The following MYT1L variants were observed in gnomAD, a reference collection of about 807,000 sequenced individuals.
The protein encoded by MYT1L is myelin transcription factor 1 like, also known as myelin transcription factor 1-like protein.
MYT1L carries 12 observed loss-of-function variants against 126.7 expected under a neutral mutation model. The ratio of observed to expected loss-of-function variants is 0.09; its 90% CI spans 0.06 to 0.15. MYT1L has a LOEUF of 0.15. Ranked by LOEUF, MYT1L falls within the 10% of genes least tolerant of loss-of-function variation. MYT1L has a pLI of 1.00. For missense variants in MYT1L, 979 were observed against 1,585.2 expected (o/e 0.62, Z 6.49); for synonymous variants, 541 against 604.2 (o/e 0.90, Z 1.53).
intron 4 of MYT1L, among the ~76,000 whole-genome samples, chr2:2,036,363 A>G (rs1574711139): frequency 2.4e-5 from 1 of 41,166 alleles, no homozygotes; most frequent in African/African-American, 1.1e-4. Flanking sequence ...CCACCCTCCA[A>G]TGCGGGTGCA....
chr2:2,190,092 G>C (rs893421225), intron 2 of MYT1L, among the ~76,000 whole-genome samples: 1 of 152,042 alleles, frequency 6.6e-6, no homozygotes, highest in Non-Finnish European at 1.5e-5. Flanking sequence ...TTTCTGTATT[G>C]GCCCTGCTGT....
rs191719758 is a variant in MYT1L, at chr2:2,224,489, C to T, written c.-420-51501G>A. 2.0e-5 allele frequency among the ~76,000 whole-genome samples: 3 copies of T among 152,240 alleles called. No individual in the cohort carries two copies. The highest frequency in any genetic ancestry group is 4.4e-5 in the Non-Finnish European group (3 of 68,022). ...GGAATTAGATTAGGTTCAGCCTCAT[C>T]GCACCCCATGCCATAACTATTTTTC... On this transcript the variant is annotated intron_variant, in intron 2 of 24. Coordinates refer to ENST00000647738, the MANE Select transcript of MYT1L (RefSeq NM_001303052.2). This position sits in a 1 kb window ranked among gnomAD's most constrained non-coding sequence, Gnocchi z 4.0.
chr2:2,177,617 TACA>T (rs2090958004), intron 2 of MYT1L, among the ~76,000 whole-genome samples: 1 of 152,166 alleles, frequency 6.6e-6, no homozygotes, highest in African/African-American at 2.4e-5. Flanking sequence ...TCAGGAAACT[TACA>T]ATCATGGCAG....
rs189654815 is a variant in MYT1L, at chr2:1,856,395, C to A, written c.2712-4692G>T. 2.0e-5 allele frequency among the ~76,000 whole-genome samples: 3 copies of A among 152,138 alleles called. No homozygotes were observed. In the South Asian group the frequency reaches 6.2e-4, roughly 32 times the overall value. On this transcript the variant is annotated intron_variant, in intron 18 of 24. Transcript: ENST00000647738. ...TGTCGGCTAACATAAAAGAAGAGCT[C>A]GAAATCTAGGCATTAGAATACATCA...
At chr2:2,099,269 G>A (rs549816042) in intron 3 of MYT1L, among the ~76,000 whole-genome samples, 2 of 152,024 alleles carry the variant, frequency 1.3e-5, no homozygotes, top group Non-Finnish European at 2.9e-5. Context: ...CTGTGTGTGT[G>A]CAACAAAATA....
In MYT1L at chr2:2,313,764, A is replaced by C. The variant is rs549088944; in HGVS notation, c.-521+17203T>G. On this transcript the variant is annotated intron_variant, in intron 1 of 24. Transcript: ENST00000647738. ...AGAGACACTATACATTCTGCAAGTC[A>C]TGTTTAAATTTGATCTTAGTCTAGA... is the stretch of plus-strand genomic sequence containing the variant. Among the ~76,000 whole-genome samples the C allele has an allele frequency of 1.9e-3, 295 of 152,308 alleles. 1 individual carries two copies. Among genetic ancestry groups the C allele is most frequent in the African/African-American group, 7.0e-3 (291 of 41,572 alleles).
At chr2:1,815,092 A>G (rs2037407946) in intron 21 of MYT1L, among the ~76,000 whole-genome samples, 1 of 152,176 alleles carries the variant, frequency 6.6e-6, no homozygotes, top group Non-Finnish European at 1.5e-5. Flanking sequence ...AGGATATTAA[A>G]CCAGAACCAT....
At chr2:1,960,833 C>A (rs2058902693) in intron 8 of MYT1L, among the ~76,000 whole-genome samples, 1 of 151,764 alleles carries the variant, frequency 6.6e-6, no homozygotes, top group African/African-American at 2.4e-5. Context: ...AGCTCAGAGG[C>A]TTCTCTGGGT....
chr2:2,268,993 G>T (rs750614397), intron 2 of MYT1L, among the ~76,000 whole-genome samples: 7 of 152,022 alleles, frequency 4.6e-5, no homozygotes, highest in Non-Finnish European at 8.8e-5. Context: ...ATTATTATAT[G>T]GTGCACCCAA....
chr2:1,979,858 C>T lies in MYT1L; in HGVS notation c.1-81G>A. The T allele has an allele frequency of 2.1e-6, 3 of 1,411,380 alleles. No homozygotes were observed. The highest frequency in any genetic ancestry group is 3.0e-6 in the Non-Finnish European group (3 of 1,005,804). The allele number at this position is 1,411,380 out of a possible 1,614,324, so 87.4% of individuals were successfully genotyped here. ...TGCAGGGGCGGCTCACTCTCCCTGG[C>T]ATTCTATTAATGGGGCTTTAATCCT... is the stretch of plus-strand genomic sequence containing the variant. On this transcript the variant is annotated intron_variant, in intron 5 of 24. Transcript: ENST00000647738. The surrounding 1 kb of genome is among the most constrained non-coding windows in gnomAD (Gnocchi z 4.0).
At chr2:1,829,754 GACCCTCCCATACACCT>G in intron 21 of MYT1L, among the ~76,000 whole-genome samples, 1 of 130,714 alleles carries the variant, frequency 7.7e-6, no homozygotes, top group East Asian at 2.5e-4. Flanking sequence ...CCTGTGAATT[GACCCTCCCATACACCT>G]GTGAATTGAC....
chr2:2,065,897 T>C (rs2150188020), intron 3 of MYT1L, among the ~76,000 whole-genome samples: 1 of 151,398 alleles, frequency 6.6e-6, no homozygotes, highest in African/African-American at 2.4e-5. Flanking sequence ...AGTTGGAAGT[T>C]AAAACAGAAA....
chr2:2,043,243 T>A (rs2067755864), intron 4 of MYT1L, among the ~76,000 whole-genome samples: 1 of 152,162 alleles, frequency 6.6e-6, no homozygotes, highest in Non-Finnish European at 1.5e-5. Flanking sequence ...GACCCCTGCC[T>A]CGGCCACCTA....
rs1371124159 is a variant in MYT1L, at chr2:2,228,049, T to TGTA, written c.-420-55062_-420-55061insTAC. 2.0e-5 allele frequency among the ~76,000 whole-genome samples: 3 copies of TGTA among 152,208 alleles called. No individual in the cohort carries two copies. Among genetic ancestry groups the TGTA allele is most frequent in the African/African-American group, 7.2e-5 (3 of 41,460 alleles). On this transcript the variant is annotated intron_variant, in intron 2 of 24. Coordinates refer to ENST00000647738, the MANE Select transcript of MYT1L (RefSeq NM_001303052.2). The surrounding 1 kb of genome is among the most constrained non-coding windows in gnomAD (Gnocchi z 5.9). ...AAATTGCCCAATGTCAAGTAGCTCA[T>TGTA]AACGGCTAGTAAATGCCTAGGGTTG...
At chr2:2,154,120 T>C (rs2086304632) in intron 3 of MYT1L, among the ~76,000 whole-genome samples, 2 of 152,138 alleles carry the variant, frequency 1.3e-5, no homozygotes, top group African/African-American at 4.8e-5. Context: ...TGGTGACACT[T>C]CCGCCTGAGG....
At chr2:2,178,085 A>G (rs1209536338) in intron 2 of MYT1L, among the ~76,000 whole-genome samples, 2 of 152,170 alleles carry the variant, frequency 1.3e-5, no homozygotes, top group African/African-American at 4.8e-5. Context: ...TATTTATTTT[A>G]TATAAACAGA....
intron 19 of MYT1L, among the ~76,000 whole-genome samples, chr2:1,850,231 CCTTCCTTCCTTCCTTCCTTCCCT>C (rs1373741854): frequency 5.2e-5 from 3 of 57,358 alleles, no homozygotes; most frequent in Non-Finnish European, 9.4e-5. Flanking sequence ...TTCCTTCCTT[CCTTCCTTCCTTCCTTCCTTCCCT>C]GTCTTTTCTC....
chr2:1,952,853 CT>C (rs1558517836), intron 8 of MYT1L, among the ~76,000 whole-genome samples: 6 of 72,272 alleles, frequency 8.3e-5, no homozygotes, highest in African/African-American at 1.4e-4. Context: ...TTTGCCTTCC[CT>C]TACCTCCTTC....
intron 2 of MYT1L, among the ~76,000 whole-genome samples, chr2:2,282,285 G>A (rs776746970): frequency 3.9e-5 from 6 of 152,196 alleles, no homozygotes; most frequent in African/African-American, 1.4e-4. Context: ...CAAAAGAACA[G>A]AAGTGTCAGC....
Sources: gnomAD v4.1 joint callset for allele counts (sites outside exome capture counted in the v4.1 genomes callset) on GRCh38, gnomAD v4.1.1 for gene constraint, Gnocchi (gnomAD v3.1) non-coding constraint, MANE v1.5 for transcripts, NCBI Gene and HGNC (gene_info 2026-07-23, HGNC 2026-07-21) for gene names.